Variants in MGAT5 observed in about 807,000 individuals in gnomAD.
MGAT5 encodes the protein alpha-1,6-mannosylglycoprotein 6-beta-N-acetylglucosaminyltransferase A.
MGAT5 carries 30 observed loss-of-function variants against 94.3 expected under a neutral mutation model. The observed-to-expected ratio is 0.32, with a 90% CI of 0.24 to 0.43. The LOEUF is 0.43. Among genes scored for constraint, MGAT5 ranks in the 20% least tolerant of loss-of-function variants. The pLI is 1.00. For missense variants in MGAT5, 691 were observed against 905.5 expected, an observed-to-expected ratio of 0.76 and a Z score of 3.04; for synonymous variants, 310 against 322.9, an observed-to-expected ratio of 0.96 and a Z score of 0.43.
chr2:134,237,110 G>A (rs911679163), intron 1 of MGAT5, among the ~76,000 whole-genome samples: 2 of 96,370 alleles, frequency 2.1e-5, no homozygotes, highest in Non-Finnish European at 4.1e-5. Flanking sequence ...GGTAGGTTAT[G>A]TAGAAGGAGT....
intron 1 of MGAT5, among the ~76,000 whole-genome samples, chr2:134,174,900 T>C (rs1233726551): frequency 1.3e-5 from 2 of 152,254 alleles, no homozygotes; most frequent in African/African-American, 2.4e-5. Flanking sequence ...GCTTTGCCTG[T>C]GATGCATGTC....
chr2:134,424,909 T>C (rs1684495528), intron 13 of MGAT5, among the ~76,000 whole-genome samples: 1 of 152,222 alleles, frequency 6.6e-6, no homozygotes, highest in Non-Finnish European at 1.5e-5. Context: ...TTATACAAGA[T>C]TAGGGCCCAC....
rs919439834 is a variant in MGAT5 at position 134,453,115 on chromosome 2, C to T, written c.*4268C>T. ...ATGTTAAATATTGTTATTAGTGTTT[C>T]GTAAAACTTGAGAAATAGAGCTGAG... On this transcript the variant is annotated 3_prime_UTR_variant, in exon 16 of 16. Coordinates refer to ENST00000281923, the MANE Select transcript of MGAT5 (RefSeq NM_002410.5). The T allele has an allele frequency of 6.6e-6, 1 of 152,192 alleles. No homozygotes were observed. The allele number at this position is 152,192 out of a possible 1,614,324, so 9.4% of individuals were successfully genotyped here.
At chr2:134,125,872 C>A (rs918470636) in intron 1 of MGAT5, among the ~76,000 whole-genome samples, 2 of 152,166 alleles carry the variant, frequency 1.3e-5, no homozygotes, top group African/African-American at 4.8e-5. Context: ...TGATAAGAAT[C>A]CAGTCTGGGC....
chr2:134,198,422 G>A (rs948598761), intron 1 of MGAT5, among the ~76,000 whole-genome samples: 1 of 152,226 alleles, frequency 6.6e-6, no homozygotes, highest in African/African-American at 2.4e-5. Context: ...TTGGCTGGGA[G>A]ATGCCTTTTA....
chr2:134,401,426 G>A (rs1157168533), intron 10 of MGAT5, among the ~76,000 whole-genome samples: 3 of 152,064 alleles, frequency 2.0e-5, no homozygotes, highest in East Asian at 1.9e-4. Flanking sequence ...TCATTCCTGG[G>A]CTGCTGGCCA....
chr2:134,401,749 G>A lies in MGAT5; in HGVS notation c.1381-1239G>A, dbSNP rs1177385146. On this transcript the variant is annotated intron_variant, in intron 10 of 15. Coordinates refer to ENST00000281923, the MANE Select transcript of MGAT5 (RefSeq NM_002410.5). Reference sequence around the variant, plus strand: ...GTTCATTTTATTCATACATTAGGGTGGCAAGGGTGGTCTTGCTCATTGCAA... The same window carrying A: ...GTTCATTTTATTCATACATTAGGGTAGCAAGGGTGGTCTTGCTCATTGCAA... Among the ~76,000 whole-genome samples the A allele has an allele frequency of 2.0e-5, 3 of 152,202 alleles. No individual in the cohort carries two copies. The East Asian group carries it at 5.8e-4, about 29-fold the overall frequency.
intron 1 of MGAT5, among the ~76,000 whole-genome samples, chr2:134,242,666 A>G (rs1422973532): frequency 1.3e-5 from 2 of 152,244 alleles, no homozygotes; most frequent in African/African-American, 4.8e-5. Flanking sequence ...CTGCATTTTT[A>G]ACAACCTGCC....
At chr2:134,406,589 C>T (rs539489376) in intron 11 of MGAT5, among the ~76,000 whole-genome samples, 4 of 152,318 alleles carry the variant, frequency 2.6e-5, no homozygotes, top group South Asian at 4.1e-4. Context: ...CTCACAAAAC[C>T]TGTCTAAGGC....
intron 2 of MGAT5, among the ~76,000 whole-genome samples, chr2:134,286,292 GT>G (rs1684996548): frequency 6.6e-6 from 1 of 152,150 alleles, no homozygotes; most frequent in South Asian, 2.1e-4. Flanking sequence ...TCGTAGGACT[GT>G]TTCCAAAGCC....
chr2:134,402,845 A>G (rs1683130880), intron 10 of MGAT5, 143 bp from the exon 11 acceptor site: 1 of 711,448 alleles, frequency 1.4e-6, no homozygotes, highest in African/African-American at 1.8e-5. Context: ...AAATTTTAGC[A>G]GTTTGATTGC....
At chr2:134,270,101 C>T (rs1683938403) in intron 1 of MGAT5, among the ~76,000 whole-genome samples, 1 of 152,216 alleles carries the variant, frequency 6.6e-6, no homozygotes, top group Non-Finnish European at 1.5e-5. Context: ...AGTGCTATAG[C>T]AGGATGCTAA....
At chr2:134,121,482 C>T (rs1685586947) in intron 1 of MGAT5, among the ~76,000 whole-genome samples, 1 of 152,190 alleles carries the variant, frequency 6.6e-6, no homozygotes, top group Admixed American at 6.5e-5. Context: ...GCGTTTGGAG[C>T]GCAGAGGGGG....
At chr2:134,334,302 GGCAGAGTGAGGAGA>G (rs561682006) in intron 4 of MGAT5, among the ~76,000 whole-genome samples, 90 of 152,136 alleles carry the variant, frequency 5.9e-4, no homozygotes, top group African/African-American at 2.1e-3. Flanking sequence ...TTCTTGCAGT[GGCAGAGTGAGGAGA>G]GAACTTTATG....
At chr2:134,443,906 G>A (rs1287604533) in intron 15 of MGAT5, among the ~76,000 whole-genome samples, 2 of 152,168 alleles carry the variant, frequency 1.3e-5, no homozygotes, top group Non-Finnish European at 2.9e-5. Context: ...GGGTCCAAAT[G>A]GGACTCCTGA....
chr2:134,447,865 G>C (rs1261660186), intron 15 of MGAT5, among the ~76,000 whole-genome samples: 1 of 152,188 alleles, frequency 6.6e-6, no homozygotes, highest in Admixed American at 6.5e-5. Flanking sequence ...AGAAGTACAG[G>C]GCTGGGGAGA....
intron 1 of MGAT5, among the ~76,000 whole-genome samples, chr2:134,186,732 C>T (rs1689056405): frequency 6.6e-6 from 1 of 152,126 alleles, no homozygotes; most frequent in Non-Finnish European, 1.5e-5. Flanking sequence ...ATAACCGAGT[C>T]AGTGATGGCA....
chr2:134,353,907 G>C (rs1016125588), intron 9 of MGAT5, among the ~76,000 whole-genome samples: 5 of 152,102 alleles, frequency 3.3e-5, no homozygotes, highest in African/African-American at 1.2e-4. Context: ...AAAAAAAATA[G>C]TTCCTACACT....
At position 134,414,160 on chromosome 2, in the gene MGAT5, G is replaced by GGT. The variant is rs1558869070; in HGVS notation, c.1677+1145_1677+1146insGT. On this transcript the variant is annotated intron_variant, in intron 12 of 15. Coordinates refer to ENST00000281923, the MANE Select transcript of MGAT5 (RefSeq NM_002410.5). ...GCACACACTTGTGTGTGTGTGTGTGGTTTTTTTTTTTTTTCCTTCTGCTAG... is the reference window on the plus strand; with the variant it reads ...GCACACACTTGTGTGTGTGTGTGTGGGTTTTTTTTTTTTTTTCCTTCTGCTAG... Among the ~76,000 whole-genome samples the GGT allele has an allele frequency of 4.5e-5, 5 of 110,606 alleles. No homozygotes were observed. The East Asian group carries it at 1.3e-3, about 29-fold the overall frequency. 72.6% of individuals were successfully genotyped at this position (110,606 alleles called of 152,430 possible).
Sources: gnomAD v4.1 joint callset for allele counts (sites outside exome capture counted in the v4.1 genomes callset) on GRCh38, gnomAD v4.1.1 for gene constraint, MANE v1.5 for transcripts, NCBI Gene and HGNC (gene_info 2026-07-23, HGNC 2026-07-21) for gene names.